Variants in ARHGEF3 observed in about 807,000 individuals in gnomAD.
The protein encoded by ARHGEF3 is 59.8 kDA protein.
In ARHGEF3, 28 loss-of-function variants were observed where a neutral mutation model predicts 63.2. That is an observed-to-expected ratio of 0.44 (90% confidence interval 0.33 to 0.61). The LOEUF (loss-of-function observed/expected upper bound fraction) is 0.61, where lower values mean the gene tolerates loss of function less well. ARHGEF3 is among the 20% of genes least tolerant of loss of function. The pLI is 0.03. For missense variants in ARHGEF3, 533 were observed against 659.3 expected (o/e 0.81, Z 2.10); for synonymous variants, 266 against 254.2 (o/e 1.05, Z -0.44).
At chr3:56,884,911 A>G (rs1455139789) in intron 3 of ARHGEF3, among the ~76,000 whole-genome samples, 1 of 152,238 alleles carries the variant, frequency 6.6e-6, no homozygotes, top group Non-Finnish European at 1.5e-5. Context: ...AGAGAGAAGC[A>G]ATTTGCTCAA....
intron 2 of ARHGEF3, among the ~76,000 whole-genome samples, chr3:57,019,538 A>C (rs1271941571): frequency 2.0e-5 from 3 of 152,120 alleles, no homozygotes; most frequent in Non-Finnish European, 4.4e-5. Context: ...ATATGCAGAA[A>C]AGCTTGTCCC....
chr3:56,776,873 C>G (rs886148850), intron 1 of ARHGEF3, among the ~76,000 whole-genome samples: 1 of 152,066 alleles, frequency 6.6e-6, no homozygotes, highest in Non-Finnish European at 1.5e-5. Context: ...GACACCACCC[C>G]CCACCACGTG....
At chr3:56,896,612 C>A (rs145960541) in intron 3 of ARHGEF3, among the ~76,000 whole-genome samples, 2 of 152,220 alleles carry the variant, frequency 1.3e-5, no homozygotes, top group African/African-American at 4.8e-5. Flanking sequence ...GAATCTGGAA[C>A]AGTTCCCCAG....
chr3:56,821,731 A>G (rs917607356), intron 4 of ARHGEF3, among the ~76,000 whole-genome samples: 1 of 152,162 alleles, frequency 6.6e-6, no homozygotes, highest in African/African-American at 2.4e-5. Flanking sequence ...TGGGAGGCCG[A>G]GGTGGGTGGA....
At chr3:56,791,136 C>T (rs1294607030) in intron 1 of ARHGEF3, among the ~76,000 whole-genome samples, 1 of 152,100 alleles carries the variant, frequency 6.6e-6, no homozygotes, top group Non-Finnish European at 1.5e-5. Flanking sequence ...GAAGTGGTGG[C>T]TTATGCCTGT....
chr3:56,996,891 T>TTA (rs558528711), intron 2 of ARHGEF3, among the ~76,000 whole-genome samples: 130 of 55,870 alleles, frequency 2.3e-3, no homozygotes, highest in African/African-American at 3.7e-3. Context: ...ATTATTATTA[T>TTA]TTTTTTTTTT....
chr3:57,054,476 G>GAAA (rs368357673), intron 1 of ARHGEF3, among the ~76,000 whole-genome samples: 1 of 126,944 alleles, frequency 7.9e-6, no homozygotes. Context: ...CAAAAAATAC[G>GAAA]AAAAAAAAAA....
intron 4 of ARHGEF3, among the ~76,000 whole-genome samples, chr3:56,808,801 T>C (rs2037960164): frequency 6.6e-6 from 1 of 152,188 alleles, no homozygotes; most frequent in Non-Finnish European, 1.5e-5. Flanking sequence ...TATTTTTGAT[T>C]GATTGTCAGT....
chr3:57,053,241 G>C (rs977765070), intron 1 of ARHGEF3, among the ~76,000 whole-genome samples: 1 of 152,174 alleles, frequency 6.6e-6, no homozygotes, highest in African/African-American at 2.4e-5. Flanking sequence ...TGCCAGGGAC[G>C]GGTGATGGTT....
intron 2 of ARHGEF3, among the ~76,000 whole-genome samples, chr3:56,999,368 T>A (rs61101383): frequency 0.16 from 24,571 of 152,146 alleles, 2,244 homozygotes; most frequent in Non-Finnish European, 0.2. Flanking sequence ...TTTTTAATCA[T>A]ACACTTATCT....
intron 1 of ARHGEF3, among the ~76,000 whole-genome samples, chr3:57,048,892 G>C (rs1704566095): frequency 6.6e-6 from 1 of 152,200 alleles, no homozygotes; most frequent in African/African-American, 2.4e-5. Flanking sequence ...AGCATGGCAG[G>C]ACATGCCAGG....
At chr3:56,762,078 C>A (rs1030017929) in intron 2 of ARHGEF3, among the ~76,000 whole-genome samples, 2 of 152,120 alleles carry the variant, frequency 1.3e-5, no homozygotes, top group African/African-American at 4.8e-5. Flanking sequence ...CCACCAGATG[C>A]CAGCAGCACA....
intron 4 of ARHGEF3, among the ~76,000 whole-genome samples, chr3:56,846,346 T>C (rs1436601335): frequency 6.6e-6 from 1 of 152,204 alleles, no homozygotes; most frequent in Non-Finnish European, 1.5e-5. Flanking sequence ...CTCCAGATCA[T>C]GGTCTTATAG....
At chr3:56,869,055 T>A (rs1278748022) in intron 4 of ARHGEF3, among the ~76,000 whole-genome samples, 1 of 152,214 alleles carries the variant, frequency 6.6e-6, no homozygotes, top group Admixed American at 6.5e-5. Context: ...AATCGTCCCT[T>A]TCCTCTGCCA....
intron 1 of ARHGEF3, chr3:57,074,571 C>T (rs1261667214): frequency 1.2e-5 from 4 of 328,118 alleles, no homozygotes; most frequent in Non-Finnish European, 2.4e-5. Context: ...ATCAATCAAT[C>T]GATCAATCAA....
rs1205155655 is a variant in ARHGEF3, at chr3:56,944,568, CTTTTTTTTTTT to C, written c.129+14244_129+14254del. On this transcript the variant is annotated intron_variant, in intron 3 of 12. Transcript: ENST00000338458. ...TATGGATGAGCAAAGAAAGTGGTTT[CTTTTTTTTTTT>C]TTTTTTTTTTTTTGTGAGACAAAGT... is the stretch of plus-strand genomic sequence containing the variant. 2.3e-3 allele frequency among the ~76,000 whole-genome samples: 149 copies of C among 65,838 alleles called. 1 individual carries two copies. Among genetic ancestry groups the C allele is most frequent in the African/African-American group, 8.0e-3 (142 of 17,848 alleles). The allele number at this position is 65,838 out of a possible 152,430, so 43.2% of individuals were successfully genotyped here.
intron 4 of ARHGEF3, among the ~76,000 whole-genome samples, chr3:56,823,234 A>G (rs1052033481): frequency 1.7e-4 from 26 of 152,184 alleles, no homozygotes; most frequent in Non-Finnish European, 2.9e-5. Flanking sequence ...TAAATATAAG[A>G]GGGAAAAAAA....
Position 56,843,882 on chromosome 3 carries a change from G to A in ARHGEF3, c.192+38410C>T, listed in dbSNP as rs995079181. Among the ~76,000 whole-genome samples the A allele has an allele frequency of 2.6e-5, 4 of 152,226 alleles. No individual in the cohort carries two copies. In the South Asian group the frequency reaches 8.3e-4, roughly 32 times the overall value. On this transcript the variant is annotated intron_variant, in intron 4 of 12. Transcript: ENST00000338458. ...GAATGGCAATTTGAGGGAGGGATTGGCATTAGTTCTGTAATTCCCAGTGCA... is the reference window on the plus strand; with the variant it reads ...GAATGGCAATTTGAGGGAGGGATTGACATTAGTTCTGTAATTCCCAGTGCA...
At chr3:56,823,987 A>C (rs1317959118) in intron 4 of ARHGEF3, among the ~76,000 whole-genome samples, 1 of 3,054 alleles carries the variant, frequency 3.3e-4, no homozygotes. Flanking sequence ...TGAGGAAAGG[A>C]AAAAAAAAAA....
Sources: allele counts gnomAD v4.1 joint callset (sites outside exome capture counted in the v4.1 genomes callset), GRCh38; gene constraint gnomAD v4.1.1; transcripts MANE v1.5; gene names NCBI Gene and HGNC (gene_info 2026-07-23, HGNC 2026-07-21).